The following FAM135B variants were observed in gnomAD, a reference collection of about 807,000 sequenced individuals.
The protein encoded by FAM135B is family with sequence similarity 135 member B, also known as protein FAM135B.
FAM135B carries 43 observed loss-of-function variants against 127.7 expected under a neutral mutation model. The ratio of observed to expected loss-of-function variants is 0.34; its 90% confidence interval spans 0.26 to 0.43. The LOEUF (loss-of-function observed/expected upper bound fraction) is 0.43, where lower values mean the gene tolerates loss of function less well. FAM135B is among the 20% of genes least tolerant of loss of function. FAM135B has a pLI of 1.00. For synonymous variants in FAM135B, 670 were observed against 665.1 expected (o/e 1.01, Z -0.11); for missense variants, 1,558 against 1,725.6 (o/e 0.90, Z 1.72).
chr8:138,339,933 C>G (rs1466733794), intron 2 of FAM135B, among the ~76,000 whole-genome samples: 1 of 151,836 alleles, frequency 6.6e-6, no homozygotes, highest in Non-Finnish European at 1.5e-5. Flanking sequence ...CACCCCCATC[C>G]GGTCCAGCCT....
chr8:138,472,235 T>C (rs573943803), intron 1 of FAM135B, among the ~76,000 whole-genome samples: 2 of 152,160 alleles, frequency 1.3e-5, no homozygotes, highest in South Asian at 2.1e-4. Context: ...TATACGTTAA[T>C]GAGCTAATGA....
At chr8:138,181,455 C>G (rs1815028886) in intron 9 of FAM135B, among the ~76,000 whole-genome samples, 1 of 152,028 alleles carries the variant, frequency 6.6e-6, no homozygotes, top group South Asian at 2.1e-4. Flanking sequence ...CCCACCTCAC[C>G]TCTGCCCACT....
intron 5 of FAM135B, among the ~76,000 whole-genome samples, chr8:138,255,880 T>C (rs906279109): frequency 2.6e-5 from 4 of 152,078 alleles, no homozygotes; most frequent in African/African-American, 7.2e-5. Context: ...CTCCTTACTG[T>C]GCCTGACCCT....
intron 12 of FAM135B, among the ~76,000 whole-genome samples, chr8:138,157,088 C>T (rs1287778537): frequency 6.6e-6 from 1 of 152,176 alleles, no homozygotes; most frequent in African/African-American, 2.4e-5. Flanking sequence ...CATCAAAAAG[C>T]TTATCCACCA....
intron 1 of FAM135B, among the ~76,000 whole-genome samples, chr8:138,399,518 G>T (rs1321575845): frequency 2.0e-5 from 3 of 152,194 alleles, no homozygotes; most frequent in Non-Finnish European, 1.5e-5. Flanking sequence ...AAAACCATAT[G>T]GGTGGGTCTT....
At chr8:138,414,120 A>G (rs771288376) in intron 1 of FAM135B, among the ~76,000 whole-genome samples, 3 of 40,772 alleles carry the variant, frequency 7.4e-5, no homozygotes, top group African/African-American at 1.5e-4. Context: ...ACACAAATAC[A>G]TATATATATA....
intron 1 of FAM135B, among the ~76,000 whole-genome samples, chr8:138,382,777 AC>A (rs1411134004): frequency 6.6e-6 from 1 of 152,204 alleles, no homozygotes; most frequent in East Asian, 1.9e-4. Context: ...TTAGAAAAAA[AC>A]AATAACGCTT....
At chr8:138,155,884 G>C (rs200905179) in intron 12 of FAM135B, among the ~76,000 whole-genome samples, 2 of 152,014 alleles carry the variant, frequency 1.3e-5, no homozygotes, top group Admixed American at 6.6e-5. Context: ...TTAGACAGAT[G>C]AACGAGACAG....
intron 2 of FAM135B, among the ~76,000 whole-genome samples, chr8:138,359,160 T>C (rs747982039): frequency 4.6e-5 from 7 of 152,158 alleles, no homozygotes; most frequent in African/African-American, 4.8e-5. Flanking sequence ...ACAATGATAA[T>C]AATGTCATTG....
chr8:138,390,579 C>G (rs1329914726), intron 1 of FAM135B, among the ~76,000 whole-genome samples: 1 of 152,112 alleles, frequency 6.6e-6, no homozygotes, highest in Non-Finnish European at 1.5e-5. Flanking sequence ...TGTCCTATCA[C>G]CACTGTATCT....
intron 1 of FAM135B, among the ~76,000 whole-genome samples, chr8:138,416,793 C>T (rs1196803631): frequency 1.3e-5 from 2 of 151,846 alleles, no homozygotes; most frequent in Non-Finnish European, 2.9e-5. Flanking sequence ...AAAGAAGGCA[C>T]AGAGAGTGAA....
intron 3 of FAM135B, among the ~76,000 whole-genome samples, chr8:138,289,676 T>C (rs540602383): frequency 6.6e-6 from 1 of 152,330 alleles, no homozygotes; most frequent in East Asian, 1.9e-4. Context: ...TGCATTTCTC[T>C]TTTGCCCCAG....
chr8:138,403,895 T>A (rs1289813973), intron 1 of FAM135B, among the ~76,000 whole-genome samples: 1 of 152,208 alleles, frequency 6.6e-6, no homozygotes, highest in African/African-American at 2.4e-5. Context: ...TTTTCAATAC[T>A]GGAGGGAGCC....
At chr8:138,214,095 A>G (rs16908578) in intron 7 of FAM135B, among the ~76,000 whole-genome samples, 4,251 of 152,162 alleles carry the variant, frequency 0.028, 123 homozygotes, top group East Asian at 0.14. Flanking sequence ...TCTATATTCT[A>G]TGCCTTCACG....
intron 1 of FAM135B, among the ~76,000 whole-genome samples, chr8:138,476,674 C>T (rs1298709980): frequency 1.3e-5 from 2 of 152,128 alleles, no homozygotes; most frequent in Non-Finnish European, 2.9e-5. Context: ...AACCCACTTT[C>T]AGAAACTCCT....
At chr8:138,244,251 G>A (rs17663419) in intron 6 of FAM135B, among the ~76,000 whole-genome samples, 6,379 of 148,250 alleles carry the variant, frequency 0.043, 210 homozygotes, top group South Asian at 0.065. Flanking sequence ...ATACAATGCA[G>A]GAAAACTCAG....
intron 2 of FAM135B, among the ~76,000 whole-genome samples, chr8:138,320,067 C>A (rs1166061386): frequency 1.3e-5 from 2 of 152,172 alleles, no homozygotes; most frequent in African/African-American, 4.8e-5. Context: ...TCCTCTAGCG[C>A]CTCCACGCAG....
intron 3 of FAM135B, among the ~76,000 whole-genome samples, chr8:138,268,316 C>T (rs1823102975): frequency 6.6e-6 from 1 of 152,168 alleles, no homozygotes; most frequent in African/African-American, 2.4e-5. Flanking sequence ...TCATTGGCCA[C>T]ATTTTTATGG....
intron 3 of FAM135B, among the ~76,000 whole-genome samples, chr8:138,266,337 G>C (rs1822920722): frequency 6.6e-6 from 1 of 152,070 alleles, no homozygotes; most frequent in African/African-American, 2.4e-5. Context: ...TTGCGTTTTA[G>C]GAAAATGTGC....
Sources: gnomAD v4.1 joint callset for allele counts (sites outside exome capture counted in the v4.1 genomes callset) on GRCh38, gnomAD v4.1.1 for gene constraint, MANE v1.5 for transcripts, NCBI Gene and HGNC (gene_info 2026-07-23, HGNC 2026-07-21) for gene names.